FKBP1B: variants seen among roughly 807,000 people sequenced by gnomAD.
FKBP1B encodes the protein peptidyl-prolyl cis-trans isomerase FKBP1B.
A neutral mutation model predicts 13.5 loss-of-function variants in FKBP1B; 4 were observed. The ratio of observed to expected loss-of-function variants is 0.30; its 90% CI spans 0.15 to 0.68. The LOEUF (loss-of-function observed/expected upper bound fraction) is 0.68, where lower values mean the gene tolerates loss of function less well. Among genes scored for constraint, FKBP1B ranks in the 30% least tolerant of loss-of-function variants. The pLI is 0.76. For synonymous variants in FKBP1B, 54 were observed against 53.6 expected (o/e 1.01, Z -0.03); for missense variants, 93 against 136.2 (o/e 0.68, Z 1.58).
At chr2:24,051,188 G>T (rs1403074040) in intron 1 of FKBP1B, among the ~76,000 whole-genome samples, 1 of 152,076 alleles carries the variant, frequency 6.6e-6, no homozygotes, top group Non-Finnish European at 1.5e-5. Flanking sequence ...ACAAAAATTA[G>T]CTGGGCATGG....
chr2:24,037,493 T>C, the FKBP1B span, among the ~76,000 whole-genome samples: 1 of 152,242 alleles, frequency 6.6e-6, no homozygotes, highest in Non-Finnish European at 1.5e-5. Flanking sequence ...TATGTGCGCC[T>C]ATCTGGTTGG....
chr2:24,050,407 C>G lies in FKBP1B; in HGVS notation c.37+521C>G, dbSNP rs2150959688. On this transcript the variant is annotated intron_variant, in intron 1 of 3. Coordinates refer to ENST00000380986, the MANE Select transcript of FKBP1B (RefSeq NM_004116.5). The surrounding 1 kb of genome is among the most constrained non-coding windows in gnomAD (Gnocchi z 5.8). ...AGGCTGGGGAAGGGGGAAGCGCTCC[C>G]TTGCCCGCTTCCGGATCTCGCTTTA... Among the ~76,000 whole-genome samples the G allele has an allele frequency of 6.6e-6, 1 of 152,300 alleles. No individual in the cohort carries two copies. Among genetic ancestry groups the G allele is most frequent in the African/African-American group, 2.4e-5 (1 of 41,580 alleles).
chr2:24,055,200 T>C (rs1034356111), intron 2 of FKBP1B, among the ~76,000 whole-genome samples: 10 of 151,558 alleles, frequency 6.6e-5, no homozygotes, highest in African/African-American at 1.5e-4. Context: ...TTTTCTTTTT[T>C]TTTTTTTTTT....
intron 1 of FKBP1B, among the ~76,000 whole-genome samples, chr2:24,052,196 A>T (rs1228987697): frequency 2.0e-5 from 3 of 152,110 alleles, no homozygotes; most frequent in African/African-American, 7.2e-5. Flanking sequence ...GCTATCATTG[A>T]TTTCTTGTCT....
At chr2:24,039,964 A>AT in the FKBP1B span, among the ~76,000 whole-genome samples, 38 of 149,866 alleles carry the variant, frequency 2.5e-4, no homozygotes, top group South Asian at 7.4e-3. Context: ...GGCCCAGCTA[A>AT]TTTTTTTTTT....
chr2:24,050,888 C>A lies in FKBP1B; in HGVS notation c.37+1002C>A, dbSNP rs906709610. 1.2e-4 allele frequency among the ~76,000 whole-genome samples: 18 copies of A among 152,218 alleles called. No individual in the cohort carries two copies. Among genetic ancestry groups the A allele is most frequent in the Non-Finnish European group, 2.1e-4 (14 of 68,040 alleles). On this transcript the variant is annotated intron_variant, in intron 1 of 3. Transcript: ENST00000380986. The surrounding 1 kb of genome is among the most constrained non-coding windows in gnomAD (Gnocchi z 5.8). ...CCTGGAGTACAGGCTTCTTTGCCCA[C>A]GCAGGAAACATTGCTGCTGGGTCCC...
At chr2:24,054,072 C>T in intron 2 of FKBP1B, 123 bp downstream of exon 2, 1 of 912,446 alleles carries the variant, frequency 1.1e-6, no homozygotes, top group Non-Finnish European at 1.8e-6. Flanking sequence ...AGCAGGGTCT[C>T]CCTGTGACCA....
chr2:24,049,614 C>A (rs1286959299), upstream of FKBP1B: 5 of 365,298 alleles, frequency 1.4e-5, no homozygotes, highest in Non-Finnish European at 2.4e-5. Context: ...AACAGCCGGG[C>A]GGGGTCCCTT....
the FKBP1B span, chr2:24,037,908 G>A: frequency 5.0e-6 from 8 of 1,614,138 alleles, no homozygotes; most frequent in East Asian, 1.6e-4. Flanking sequence ...GGTCTGGTGT[G>A]CTGCTGTGTC....
upstream of FKBP1B, among the ~76,000 whole-genome samples, chr2:24,047,561 C>G (rs922878207): frequency 2.0e-5 from 3 of 152,124 alleles, no homozygotes; most frequent in Admixed American, 6.6e-5. Context: ...GGCCAATAAG[C>G]TCTGGCTCTG....
the FKBP1B span, chr2:24,039,116 T>C: frequency 6.2e-7 from 1 of 1,614,224 alleles, no homozygotes; most frequent in Non-Finnish European, 8.5e-7. Context: ...ACAGTCAGAA[T>C]AGCACATTTT....
chr2:24,061,507 A>T (rs1664393796), intron 3 of FKBP1B, among the ~76,000 whole-genome samples: 1 of 152,160 alleles, frequency 6.6e-6, no homozygotes, highest in Non-Finnish European at 1.5e-5. Context: ...CCTGGGACTG[A>T]GGTAGTGGAA....
At chr2:24,052,335 A>G (rs962840127) in intron 1 of FKBP1B, among the ~76,000 whole-genome samples, 1 of 152,198 alleles carries the variant, frequency 6.6e-6, no homozygotes, top group Non-Finnish European at 1.5e-5. Context: ...TGCACTTAGT[A>G]TTAAATCCGG....
At chr2:24,046,643 A>T (rs1419812606), upstream of FKBP1B, among the ~76,000 whole-genome samples, 1 of 152,164 alleles carries the variant, frequency 6.6e-6, no homozygotes, top group Non-Finnish European at 1.5e-5. Flanking sequence ...TCCCTCCCCC[A>T]ACTTGTTTTC....
intron 2 of FKBP1B, among the ~76,000 whole-genome samples, chr2:24,060,173 G>A (rs1057254862): frequency 6.6e-6 from 1 of 152,102 alleles, no homozygotes; most frequent in African/African-American, 2.4e-5. Flanking sequence ...AAATGGAGGC[G>A]AGTAAAAGAG....
At chr2:24,038,880 G>C in the FKBP1B span, 8 of 1,614,090 alleles carry the variant, frequency 5.0e-6, no homozygotes, top group African/African-American at 1.3e-5. Context: ...TGGAGCAGAC[G>C]TGGCTGTCCA....
chr2:24,062,155 G>A (rs768685886), intron 3 of FKBP1B, among the ~76,000 whole-genome samples: 6 of 151,688 alleles, frequency 4.0e-5, no homozygotes, highest in Non-Finnish European at 7.4e-5. Context: ...CACCGTGCCC[G>A]GCCTGTTTTT....
At chr2:24,059,689 T>C (rs1440457720) in intron 2 of FKBP1B, among the ~76,000 whole-genome samples, 3 of 150,378 alleles carry the variant, frequency 2.0e-5, no homozygotes, top group Non-Finnish European at 4.4e-5. Flanking sequence ...AGGTCAGGAG[T>C]TCGAGACCAG....
upstream of FKBP1B, among the ~76,000 whole-genome samples, chr2:24,049,208 A>G (rs1264287043): frequency 6.6e-6 from 1 of 152,050 alleles, no homozygotes; most frequent in Non-Finnish European, 1.5e-5. Flanking sequence ...AAAAATAAAA[A>G]ATAAAAGATT....
Sources: gnomAD v4.1 joint callset for allele counts (sites outside exome capture counted in the v4.1 genomes callset) on GRCh38, gnomAD v4.1.1 for gene constraint, Gnocchi (gnomAD v3.1) non-coding constraint, MANE v1.5 for transcripts, NCBI Gene and HGNC (gene_info 2026-07-23, HGNC 2026-07-21) for gene names.